IL1RAPL2: variants seen among roughly 807,000 people sequenced by gnomAD.
IL1RAPL2 encodes X-linked interleukin-1 receptor accessory protein-like 2.
Under a neutral mutation model 44.1 loss-of-function variants are expected in IL1RAPL2, and 3 were observed. The ratio of observed to expected loss-of-function variants is 0.07; its 90% confidence interval spans 0.03 to 0.18. The LOEUF (loss-of-function observed/expected upper bound fraction) is 0.18. Ranked by LOEUF, IL1RAPL2 falls within the 10% of genes least tolerant of loss-of-function variation. The pLI is 1.00. For missense variants in IL1RAPL2, 391 were observed against 496.4 expected, an observed-to-expected ratio of 0.79 and a Z score of 2.02; for synonymous variants, 181 against 178.8, an observed-to-expected ratio of 1.01 and a Z score of -0.10.
At position 105,439,757 on chromosome X, in the gene IL1RAPL2, A is replaced by G. The variant is rs1394646895; in HGVS notation, c.698-44556A>G. ...GTATGTCTGGAAAGGAGCCAGGCTC[A>G]ATAAGGACAGAAAATATCAATGAGA... On this transcript the variant is annotated intron_variant, in intron 5 of 10. Transcript: ENST00000372582. Among the ~76,000 whole-genome samples the G allele has an allele frequency of 2.7e-5, 3 of 112,111 alleles. No homozygotes were observed. In the Admixed American group the frequency reaches 2.9e-4, roughly 11 times the overall value.
chrX:105,224,122 A>T (rs1469529352), intron 3 of IL1RAPL2, among the ~76,000 whole-genome samples: 1 of 110,797 alleles, frequency 9.0e-6, no homozygotes, highest in Non-Finnish European at 1.9e-5. Context: ...GGACAAAAAA[A>T]CAGAGGAAGG....
At chrX:105,259,894 T>C (rs1255211514) in intron 4 of IL1RAPL2, among the ~76,000 whole-genome samples, 2 of 111,910 alleles carry the variant, frequency 1.8e-5, no homozygotes, top group South Asian at 7.6e-4. Context: ...CAGTTTTTCT[T>C]AGGGCTGCTG....
chrX:104,852,985 A>C (rs1173369268), intron 2 of IL1RAPL2, among the ~76,000 whole-genome samples: 2 of 111,850 alleles, frequency 1.8e-5, no homozygotes, highest in African/African-American at 6.5e-5. Flanking sequence ...GCAGGGTACA[A>C]ACATCATCTG....
chrX:104,918,885 C>A (rs1036637195), intron 2 of IL1RAPL2, among the ~76,000 whole-genome samples: 3 of 111,425 alleles, frequency 2.7e-5, no homozygotes, highest in Non-Finnish European at 3.8e-5. Flanking sequence ...GTCCTTTGAA[C>A]AAGATAGCCT....
intron 6 of IL1RAPL2, among the ~76,000 whole-genome samples, chrX:105,703,766 G>C (rs1467955709): frequency 2.7e-5 from 3 of 111,806 alleles, no homozygotes; most frequent in African/African-American, 9.7e-5. Flanking sequence ...AAAGAATCTT[G>C]GTGGGTATCA....
At chrX:105,724,355 G>A (rs1452137807) in intron 7 of IL1RAPL2, among the ~76,000 whole-genome samples, 5 of 110,578 alleles carry the variant, frequency 4.5e-5, no homozygotes. Flanking sequence ...TAACATTTTG[G>A]AGTTCTCATT....
chrX:104,667,377 G>A (rs149292558), intron 2 of IL1RAPL2, among the ~76,000 whole-genome samples: 1 of 111,513 alleles, frequency 9.0e-6, no homozygotes, highest in East Asian at 2.8e-4. Context: ...GACCAGACAT[G>A]CTTTTAGCCC....
intron 5 of IL1RAPL2, among the ~76,000 whole-genome samples, chrX:105,420,396 C>A (rs1412024230): frequency 9.0e-6 from 1 of 111,488 alleles, no homozygotes; most frequent in Non-Finnish European, 1.9e-5. Flanking sequence ...CATTGTTGGA[C>A]AATTCTAGTT....
At chrX:104,618,619 G>T (rs1323484292) in intron 1 of IL1RAPL2, among the ~76,000 whole-genome samples, 1 of 111,479 alleles carries the variant, frequency 9.0e-6, no homozygotes, top group African/African-American at 3.3e-5. Context: ...AGGGGTGGGG[G>T]TGACTCAGGC....
intron 7 of IL1RAPL2, among the ~76,000 whole-genome samples, chrX:105,730,416 C>A (rs184776330): frequency 9.0e-6 from 1 of 111,111 alleles, no homozygotes; most frequent in East Asian, 2.8e-4. Flanking sequence ...AAAATAATAT[C>A]TGGGGACTTC....
At chrX:105,132,487 G>GA (rs1175231504) in intron 2 of IL1RAPL2, among the ~76,000 whole-genome samples, 2 of 110,147 alleles carry the variant, frequency 1.8e-5, no homozygotes, top group Non-Finnish European at 3.8e-5. Context: ...ATTTTCAGGG[G>GA]AAAAAAAACA....
At position 104,598,131 on chromosome X, in the gene IL1RAPL2, C is replaced by T. The variant is rs146291977; in HGVS notation, c.-20+31080C>T. ...ATTCTTCTGGATTAAAGAAATTCTT[C>T]GTATACTTATGGTAATTAATTCTAG... On this transcript the variant is annotated intron_variant, in intron 1 of 10. Coordinates refer to ENST00000372582, the MANE Select transcript of IL1RAPL2 (RefSeq NM_017416.2). 4.4e-3 allele frequency among the ~76,000 whole-genome samples: 498 copies of T among 112,092 alleles called. 4 individuals carry two copies. Among genetic ancestry groups the T allele is most frequent in the African/African-American group, 0.015 (453 of 30,878 alleles).
rs1185049725 is a variant in IL1RAPL2 at position 104,791,210 on chromosome X, C to CCTCTCCCTCCT, written c.82+132222_82+132232dup. ...CCTTCCCTTCCCTGCCCTTCCCTTCCCTCTCCCTCCTCTCTCCACCCCCAC... is the reference window on the plus strand; with the variant it reads ...CCTTCCCTTCCCTGCCCTTCCCTTCCCTCTCCCTCCTCTCTCCCTCCTCTCTCCACCCCCAC... On this transcript the variant is annotated intron_variant, in intron 2 of 10. Transcript: ENST00000372582. 2.9e-3 allele frequency among the ~76,000 whole-genome samples: 304 copies of CCTCTCCCTCCT among 103,351 alleles called. 4 individuals are homozygous for CCTCTCCCTCCT. Among genetic ancestry groups the CCTCTCCCTCCT allele is most frequent in the African/African-American group, 9.5e-3 (267 of 27,997 alleles). The allele number at this position is 103,351 out of a possible 115,157, so 89.7% of individuals were successfully genotyped here.
At chrX:105,448,214 G>A (rs1168150929) in intron 5 of IL1RAPL2, among the ~76,000 whole-genome samples, 1 of 108,790 alleles carries the variant, frequency 9.2e-6, no homozygotes, top group Non-Finnish European at 1.9e-5. Flanking sequence ...TCCTGAGGTA[G>A]ACATCTTTGG....
At chrX:104,956,340 G>A (rs754247405) in intron 2 of IL1RAPL2, among the ~76,000 whole-genome samples, 10 of 111,732 alleles carry the variant, frequency 8.9e-5, no homozygotes, top group Non-Finnish European at 1.9e-4. Flanking sequence ...AAACAAGAGG[G>A]GCCAGGTGTG....
At chrX:105,535,472 A>T (rs1162105498) in intron 6 of IL1RAPL2, among the ~76,000 whole-genome samples, 6 of 112,198 alleles carry the variant, frequency 5.3e-5, no homozygotes, top group Admixed American at 3.8e-4. Context: ...CTGTAGAGAA[A>T]TAAAACCTTA....
intron 5 of IL1RAPL2, among the ~76,000 whole-genome samples, chrX:105,301,219 G>A (rs981894674): frequency 9.0e-6 from 1 of 111,527 alleles, no homozygotes; most frequent in Non-Finnish European, 1.9e-5. Context: ...ATAGAGTGCA[G>A]CAAGAGTAAT....
chrX:105,686,380 C>CAAAAA (rs1177667576), intron 6 of IL1RAPL2, among the ~76,000 whole-genome samples: 14 of 25,159 alleles, frequency 5.6e-4, no homozygotes, highest in South Asian at 7.4e-3. Flanking sequence ...AAATGGAAAG[C>CAAAAA]AAAAAAAAAA....
intron 6 of IL1RAPL2, among the ~76,000 whole-genome samples, chrX:105,597,727 A>G (rs370047798): frequency 3.6e-5 from 4 of 111,570 alleles, no homozygotes; most frequent in South Asian, 7.7e-4. Flanking sequence ...AACACTGGGG[A>G]TTACAGTTGA....
Sources: gnomAD v4.1 joint callset for allele counts (sites outside exome capture counted in the v4.1 genomes callset) on GRCh38, gnomAD v4.1.1 for gene constraint, MANE v1.5 for transcripts, NCBI Gene and HGNC (gene_info 2026-07-23, HGNC 2026-07-21) for gene names.